Variants in AGAP3 observed in about 807,000 individuals in gnomAD.
The protein encoded by AGAP3 is arf-GAP with GTPase, ANK repeat and PH domain-containing protein 3.
Under a neutral mutation model 96.9 loss-of-function variants are expected in AGAP3, and 24 were observed. The observed-to-expected ratio is 0.25, with a 90% confidence interval of 0.18 to 0.35. The LOEUF is 0.35. Ranked by LOEUF, AGAP3 falls within the 10% of genes least tolerant of loss-of-function variation. The pLI, the probability that AGAP3 is intolerant of heterozygous loss-of-function variation, is 1.00. For missense variants in AGAP3, 876 were observed against 1,254.2 expected, an observed-to-expected ratio of 0.70 and a Z score of 4.55; for synonymous variants, 563 against 536.1, an observed-to-expected ratio of 1.05 and a Z score of -0.69.
intron 8 of AGAP3, chr7:151,122,813 C>G: frequency 6.2e-7 from 1 of 1,613,636 alleles, no homozygotes; most frequent in Non-Finnish European, 8.5e-7. Context: ...CACACAGCAC[C>G]TCTGGACATG....
rs1799726666 is a variant in AGAP3, at chr7:151,118,871, C to T, written c.969+239C>T. Among the ~76,000 whole-genome samples the T allele has an allele frequency of 6.6e-6, 1 of 152,358 alleles. No individual in the cohort carries two copies. Among genetic ancestry groups the T allele is most frequent in the African/African-American group, 2.4e-5 (1 of 41,582 alleles). On this transcript the variant is annotated intron_variant, in intron 7 of 17. Transcript: ENST00000397238. The surrounding 1 kb of genome is among the most constrained non-coding windows in gnomAD (Gnocchi z 6.1). Reference sequence around the variant, plus strand: ...GCTGCAATCCCCACTTCTCTCTGCTCTCCACCATTCCACAGCCTGCATTCC... The same window carrying T: ...GCTGCAATCCCCACTTCTCTCTGCTTTCCACCATTCCACAGCCTGCATTCC...
intron 7 of AGAP3, among the ~76,000 whole-genome samples, chr7:151,119,652 A>ACTC (rs1472994887): frequency 2.0e-5 from 3 of 151,680 alleles, no homozygotes; most frequent in Non-Finnish European, 4.4e-5. Context: ...GCAGGTCAGG[A>ACTC]CTCCAGTCTG....
At chr7:151,131,648 TG>T (rs1800407875) in intron 10 of AGAP3, among the ~76,000 whole-genome samples, 1 of 152,196 alleles carries the variant, frequency 6.6e-6, no homozygotes, top group African/African-American at 2.4e-5. Flanking sequence ...TCCGGGGCTG[TG>T]GGTGCCGGCC....
chr7:151,103,105 C>T (rs1798899991), intron 1 of AGAP3, among the ~76,000 whole-genome samples: 3 of 152,234 alleles, frequency 2.0e-5, no homozygotes, highest in Admixed American at 2.0e-4. Context: ...TCATACTGTG[C>T]CAGGCACTGC....
intron 9 of AGAP3, among the ~76,000 whole-genome samples, chr7:151,127,343 C>T (rs1457956933): frequency 6.6e-6 from 1 of 152,156 alleles, no homozygotes; most frequent in Non-Finnish European, 1.5e-5. Flanking sequence ...GGGCCTCTTC[C>T]CTCTCTGGGC....
At chr7:151,116,003 C>G (rs1408238683) in intron 1 of AGAP3, among the ~76,000 whole-genome samples, 3 of 152,184 alleles carry the variant, frequency 2.0e-5, no homozygotes, top group Admixed American at 6.5e-5. Context: ...CTCTTTGACA[C>G]AAACTTGGGA....
intron 11 of AGAP3, chr7:151,137,697 T>G: frequency 6.1e-6 from 1 of 164,684 alleles, no homozygotes; most frequent in Non-Finnish European, 1.3e-5. Flanking sequence ...TTAGACATAA[T>G]TACTTGAATT....
chr7:151,133,538 G>A lies in AGAP3; in HGVS notation c.1327-862G>A, dbSNP rs1032874166. Among the ~76,000 whole-genome samples, 1 of 150,792 alleles carries A rather than the reference G, an allele frequency of 6.6e-6. No individual in the cohort carries two copies. The highest frequency in any genetic ancestry group is 2.4e-5 in the African/African-American group (1 of 41,198). On this transcript the variant is annotated intron_variant, in intron 10 of 17. Coordinates refer to ENST00000397238, the MANE Select transcript of AGAP3 (RefSeq NM_031946.7). The surrounding 1 kb of genome is among the most constrained non-coding windows in gnomAD (Gnocchi z 5.4). ...CTGACTTGAAAGCAGGGTGAGTCCC[G>A]GGCCCAGGACAGGCTGGAGGAAGCC... is the stretch of plus-strand genomic sequence containing the variant.
rs1227026341 is a variant in AGAP3, at chr7:151,142,961, GC to G, written c.2273+333del. On this transcript the variant is annotated intron_variant, in intron 16 of 17. Transcript: ENST00000397238. The surrounding 1 kb of genome is among the most constrained non-coding windows in gnomAD (Gnocchi z 7.5). ...TGGGTGAGAGATAGGGGAGTGTGTG[GC>G]CCCCCAGTGCAGGCCCCCACCCGCT... 6.6e-6 allele frequency among the ~76,000 whole-genome samples: 1 copy of G among 152,138 alleles called. No individual in the cohort carries two copies. Among genetic ancestry groups the G allele is most frequent in the Non-Finnish European group, 1.5e-5 (1 of 68,012 alleles).
At chr7:151,124,696 G>A (rs563656961) in intron 9 of AGAP3, among the ~76,000 whole-genome samples, 1 of 152,334 alleles carries the variant, frequency 6.6e-6, no homozygotes, top group African/African-American at 2.4e-5. Context: ...GTGGTCAGGT[G>A]TGGCTCTCCT....
Position 151,096,716 on chromosome 7 carries a change from C to T in AGAP3, c.331+9644C>T, listed in dbSNP as rs1798619076. On this transcript the variant is annotated intron_variant, in intron 1 of 17. Coordinates refer to ENST00000397238, the MANE Select transcript of AGAP3 (RefSeq NM_031946.7). The surrounding 1 kb of genome is among the most constrained non-coding windows in gnomAD (Gnocchi z 4.4). ...CTCGATCTCCTGACCTCGTGATCCA[C>T]CCGCCTCAGCCTCCTAAAGTGCTGG... Among the ~76,000 whole-genome samples, 1 of 152,042 alleles carries T rather than the reference C, an allele frequency of 6.6e-6. No homozygotes were observed. The highest frequency in any genetic ancestry group is 2.1e-4 in the South Asian group (1 of 4,824).
At position 151,125,512 on chromosome 7, in the gene AGAP3, T is replaced by A. The variant is rs529825750; in HGVS notation, c.1221+1626T>A. Among the ~76,000 whole-genome samples the A allele has an allele frequency of 2.3e-3, 347 of 152,330 alleles. 1 individual carries two copies. The highest frequency in any genetic ancestry group is 8.0e-3 in the African/African-American group (332 of 41,582). Reference sequence around the variant, plus strand: ...CACAGCCCAGAGTGGTGCCGCCAGCTGGGGGCAGGTGTCAGAGGCCTGTGC... The same window carrying A: ...CACAGCCCAGAGTGGTGCCGCCAGCAGGGGGCAGGTGTCAGAGGCCTGTGC... On this transcript the variant is annotated intron_variant, in intron 9 of 17. Transcript: ENST00000397238.
At chr7:151,105,836 AAG>A in intron 1 of AGAP3, among the ~76,000 whole-genome samples, 3 of 126,616 alleles carry the variant, frequency 2.4e-5, no homozygotes, top group Admixed American at 8.9e-5. Flanking sequence ...ACACACAGTC[AAG>A]CATTGCCACC....
rs754104196 is a variant in AGAP3, at chr7:151,120,149, C to G, written c.1128+4C>G. 5.0e-6 allele frequency: 8 copies of G among 1,591,984 alleles called. No homozygotes were observed. In the African/African-American group the frequency reaches 8.0e-5, roughly 16 times the overall value. On this transcript the variant is annotated splice_donor_region_variant and intron_variant, in intron 8 of 17. Coordinates refer to ENST00000397238, the MANE Select transcript of AGAP3 (RefSeq NM_031946.7). ...GCGGCGCTCCAACATCTTCACGGTA[C>G]GTGACTGCCCTCCTCCCCCGCCCAG...
intron 9 of AGAP3, among the ~76,000 whole-genome samples, chr7:151,127,402 C>G (rs1380346869): frequency 1.3e-5 from 2 of 152,166 alleles, no homozygotes; most frequent in African/African-American, 2.4e-5. Flanking sequence ...AGTCTCCCTG[C>G]TGGGGGTGCT....
intron 10 of AGAP3, among the ~76,000 whole-genome samples, chr7:151,130,768 C>T (rs1800372529): frequency 6.6e-6 from 1 of 152,134 alleles, no homozygotes. Flanking sequence ...GCGCTCACAG[C>T]TCTCCGTGGA....
intron 9 of AGAP3, among the ~76,000 whole-genome samples, chr7:151,125,636 G>GT (rs1381523348): frequency 6.6e-6 from 1 of 152,160 alleles, no homozygotes; most frequent in Non-Finnish European, 1.5e-5. Flanking sequence ...TTCCAGCCTG[G>GT]TGGCCATTCC....
chr7:151,098,545 C>T (rs1297585681), intron 1 of AGAP3, among the ~76,000 whole-genome samples: 3 of 151,938 alleles, frequency 2.0e-5, no homozygotes, highest in African/African-American at 7.2e-5. Flanking sequence ...CCCAGCTACT[C>T]AGGAGGCTGA....
chr7:151,142,701 A>G lies in AGAP3; in HGVS notation c.2273+67A>G. The G allele has an allele frequency of 6.6e-7, 1 of 1,509,926 alleles. No individual in the cohort carries two copies. The highest frequency in any genetic ancestry group is 9.1e-7 in the Non-Finnish European group (1 of 1,102,616). The allele number at this position is 1,509,926 out of a possible 1,614,324, so 93.5% of individuals were successfully genotyped here. A position where few individuals can be genotyped will look rare whatever the true frequency, so the allele number is the denominator to read the frequency against. On this transcript the variant is annotated intron_variant, in intron 16 of 17. Coordinates refer to ENST00000397238, the MANE Select transcript of AGAP3 (RefSeq NM_031946.7). This position sits in a 1 kb window ranked among gnomAD's most constrained non-coding sequence, Gnocchi z 7.5. ...GCGTTGGGGGCTCCCAGCATGGGGA[A>G]GATTGGAGTGGCTGTGATGGTATTA...
Sources: gnomAD v4.1 joint callset for allele counts (sites outside exome capture counted in the v4.1 genomes callset) on GRCh38, gnomAD v4.1.1 for gene constraint, Gnocchi (gnomAD v3.1) non-coding constraint, MANE v1.5 for transcripts, NCBI Gene and HGNC (gene_info 2026-07-23, HGNC 2026-07-21) for gene names.